Variants in PARD3B observed in about 807,000 individuals in gnomAD.
PARD3B encodes par-3 family cell polarity regulator beta.
In PARD3B, 103 loss-of-function variants were observed where a neutral mutation model predicts 130.2. The observed-to-expected ratio is 0.79, with a 90% CI of 0.67 to 0.93. PARD3B has a LOEUF of 0.93. Among genes scored for constraint, PARD3B ranks in the 40% least tolerant of loss-of-function variants. The pLI is 0.00. For missense variants in PARD3B, 1,609 were observed against 1,499.2 expected, an observed-to-expected ratio of 1.07 and a Z score of -1.21; for synonymous variants, 583 against 553.2, an observed-to-expected ratio of 1.05 and a Z score of -0.76.
At chr2:204,904,254 A>C (rs2046967806) in intron 2 of PARD3B, among the ~76,000 whole-genome samples, 1 of 152,212 alleles carries the variant, frequency 6.6e-6, no homozygotes, top group African/African-American at 2.4e-5. Context: ...ATTTAGCTTC[A>C]TCACTGTTCA....
chr2:205,078,332 G>A lies in PARD3B; in HGVS notation c.505-26094G>A, dbSNP rs901448043. Among the ~76,000 whole-genome samples the A allele has an allele frequency of 3.9e-5, 6 of 152,124 alleles. No individual in the cohort carries two copies. The highest frequency in any genetic ancestry group is 8.8e-5 in the Non-Finnish European group (6 of 68,010). ...ATTGTAGGTTCACTCAATGGCTATC[G>A]CAGCATCATTCTTCATAATTTTTAT... On this transcript the variant is annotated intron_variant, in intron 4 of 22. Transcript: ENST00000406610. This position sits in a 1 kb window ranked among gnomAD's most constrained non-coding sequence, Gnocchi z 4.0.
chr2:205,570,275 C>T (rs1024243192), intron 22 of PARD3B, among the ~76,000 whole-genome samples: 3 of 152,004 alleles, frequency 2.0e-5, no homozygotes, highest in Non-Finnish European at 4.4e-5. Flanking sequence ...AATTTTGTAA[C>T]CCAATAAAAT....
chr2:205,442,228 C>T (rs2047738941), intron 20 of PARD3B, among the ~76,000 whole-genome samples: 1 of 144,262 alleles, frequency 6.9e-6, no homozygotes, highest in Admixed American at 7.0e-5. Flanking sequence ...AAAGGATTCA[C>T]AAGTCCAATA....
At chr2:204,709,137 C>A (rs1164674696) in intron 2 of PARD3B, among the ~76,000 whole-genome samples, 1 of 151,864 alleles carries the variant, frequency 6.6e-6, no homozygotes, top group African/African-American at 2.4e-5. Context: ...GATTATCTTA[C>A]CCTTTTGAAA....
intron 2 of PARD3B, among the ~76,000 whole-genome samples, chr2:204,869,795 A>G (rs1254865491): frequency 6.6e-6 from 1 of 152,186 alleles, no homozygotes; most frequent in Non-Finnish European, 1.5e-5. Context: ...TAACTTTTTG[A>G]TATTCCTGCC....
chr2:205,107,854 G>T (rs1575805930), intron 5 of PARD3B, among the ~76,000 whole-genome samples: 1 of 152,160 alleles, frequency 6.6e-6, no homozygotes, highest in African/African-American at 2.4e-5. Flanking sequence ...AGGTTTGGTG[G>T]TTTTTTAAGA....
intron 2 of PARD3B, among the ~76,000 whole-genome samples, chr2:204,702,643 C>T (rs939919255): frequency 1.3e-5 from 2 of 152,032 alleles, no homozygotes; most frequent in South Asian, 2.1e-4. Context: ...GGCAGGATCT[C>T]GGCTCATTGC....
rs1366508131 is a variant in PARD3B at position 204,896,040 on chromosome 2, T to G, written c.223-69112T>G. Among the ~76,000 whole-genome samples the G allele has an allele frequency of 3.3e-5, 5 of 152,312 alleles. No homozygotes were observed. The South Asian group carries it at 1.0e-3, about 32-fold the overall frequency. ...GTGACTTTTCTTCAACCGTAAGCAC[T>G]TTGGTTTTGGAATGTACAGGTTCTC... On this transcript the variant is annotated intron_variant, in intron 2 of 22. Coordinates refer to ENST00000406610, the MANE Select transcript of PARD3B (RefSeq NM_001302769.2).
chr2:205,291,234 C>T lies in PARD3B; in HGVS notation c.2186-9296C>T, dbSNP rs1175835044. The stretch of plus-strand genomic sequence containing the variant: ...CAAGGGCTCCAAAGCAAAACAAAAA[C>T]AAACAAAAAAAGCAACAGCAACGAC... On this transcript the variant is annotated intron_variant, in intron 16 of 22. Transcript: ENST00000406610. This position sits in a 1 kb window ranked among gnomAD's most constrained non-coding sequence, Gnocchi z 4.6. 6.6e-6 allele frequency among the ~76,000 whole-genome samples: 1 copy of T among 151,860 alleles called. No homozygotes were observed. The highest frequency in any genetic ancestry group is 1.5e-5 in the Non-Finnish European group (1 of 67,950).
chr2:205,332,106 A>T (rs920801715), intron 18 of PARD3B, among the ~76,000 whole-genome samples: 9 of 152,128 alleles, frequency 5.9e-5, no homozygotes, highest in African/African-American at 2.2e-4. Flanking sequence ...CTCGGTCTCA[A>T]AAAAAAGAAA....
chr2:205,442,360 A>G (rs1032568449), intron 20 of PARD3B, among the ~76,000 whole-genome samples: 1 of 125,986 alleles, frequency 7.9e-6, no homozygotes, highest in African/African-American at 3.2e-5. Flanking sequence ...GTGCAGTGGT[A>G]CGATCGCGGC....
intron 22 of PARD3B, among the ~76,000 whole-genome samples, chr2:205,557,442 C>G (rs1322606488): frequency 6.6e-6 from 1 of 152,138 alleles, no homozygotes; most frequent in African/African-American, 2.4e-5. Context: ...AACGTTAGCC[C>G]CTCAACTTCT....
At chr2:204,822,104 A>C (rs2043383877) in intron 2 of PARD3B, among the ~76,000 whole-genome samples, 1 of 152,240 alleles carries the variant, frequency 6.6e-6, no homozygotes, top group Admixed American at 6.5e-5. Flanking sequence ...GCCGTTAAGA[A>C]CATCCATGAT....
At chr2:205,491,929 T>C (rs2049733634) in intron 20 of PARD3B, among the ~76,000 whole-genome samples, 1 of 152,174 alleles carries the variant, frequency 6.6e-6, no homozygotes, top group Non-Finnish European at 1.5e-5. Context: ...AGGACCGCAG[T>C]TCAGGATTAT....
chr2:204,899,742 A>G (rs2046789986), intron 2 of PARD3B, among the ~76,000 whole-genome samples: 1 of 152,178 alleles, frequency 6.6e-6, no homozygotes, highest in Admixed American at 6.5e-5. Context: ...TTACTCATCA[A>G]CATCCTTCTC....
intron 18 of PARD3B, among the ~76,000 whole-genome samples, chr2:205,304,406 C>G (rs768550506): frequency 6.6e-6 from 1 of 151,488 alleles, no homozygotes; most frequent in African/African-American, 2.4e-5. Flanking sequence ...GAGGCCAAGA[C>G]GGGCGGATCA....
chr2:205,431,336 C>A (rs2047324804), intron 19 of PARD3B, among the ~76,000 whole-genome samples: 1 of 152,138 alleles, frequency 6.6e-6, no homozygotes, highest in Admixed American at 6.5e-5. Context: ...CTTTGCCTCC[C>A]AAAGTGCTGG....
chr2:205,131,714 A>G (rs1169433427), intron 10 of PARD3B, among the ~76,000 whole-genome samples: 1 of 152,204 alleles, frequency 6.6e-6, no homozygotes, highest in African/African-American at 2.4e-5. Context: ...GGCAAAAGAA[A>G]TACTCTCTTC....
At chr2:204,802,347 G>A (rs2042601436) in intron 2 of PARD3B, among the ~76,000 whole-genome samples, 1 of 152,188 alleles carries the variant, frequency 6.6e-6, no homozygotes, top group Admixed American at 6.5e-5. Flanking sequence ...AACAACAGAT[G>A]CTGGAGAGGA....
Sources: allele counts gnomAD v4.1 joint callset (sites outside exome capture counted in the v4.1 genomes callset), GRCh38; gene constraint gnomAD v4.1.1; non-coding constraint Gnocchi (gnomAD v3.1); transcripts MANE v1.5; gene names NCBI Gene and HGNC (gene_info 2026-07-23, HGNC 2026-07-21).